PCDHGA1: variants seen among roughly 807,000 people sequenced by gnomAD.
The protein encoded by PCDHGA1 is protocadherin gamma-A1.
Under a neutral mutation model 58.0 loss-of-function variants are expected in PCDHGA1, and 32 were observed. The observed-to-expected ratio is 0.55, with a 90% CI of 0.42 to 0.74. The LOEUF (loss-of-function observed/expected upper bound fraction) is 0.74, where lower values mean the gene tolerates loss of function less well. Ranked by LOEUF, PCDHGA1 falls within the 30% of genes least tolerant of loss-of-function variation. The pLI, the probability that PCDHGA1 is intolerant of heterozygous loss-of-function variation, is 0.00. For synonymous variants in PCDHGA1, 498 were observed against 501.1 expected, an observed-to-expected ratio of 0.99 and a Z score of 0.08; for missense variants, 1,205 against 1,182.3, an observed-to-expected ratio of 1.02 and a Z score of -0.28.
chr5:141,504,200 G>C (rs1232187138), intron 2 of PCDHGA1, among the ~76,000 whole-genome samples: 1 of 152,154 alleles, frequency 6.6e-6, no homozygotes, highest in Non-Finnish European at 1.5e-5. Context: ...TTGTCACTGT[G>C]GGAAAATTCC....
chr5:141,507,901 G>T (rs1332204823), intron 3 of PCDHGA1, among the ~76,000 whole-genome samples: 1 of 152,216 alleles, frequency 6.6e-6, no homozygotes, highest in Non-Finnish European at 1.5e-5. Flanking sequence ...CTGAAGTCCA[G>T]CCCAGCCAGG....
At chr5:141,355,300 T>A (rs1193183986) in intron 1 of PCDHGA1, 2 of 1,613,914 alleles carry the variant, frequency 1.2e-6, no homozygotes, top group Non-Finnish European at 8.5e-7. Flanking sequence ...GATTCTCTAC[T>A]CGGTGTTTGA....
chr5:141,338,783 G>A, intron 1 of PCDHGA1: 2 of 1,338,184 alleles, frequency 1.5e-6, no homozygotes, highest in Non-Finnish European at 1.9e-6. Flanking sequence ...GGCTCCCACA[G>A]CACAAGGGGG....
chr5:141,395,521 T>G, intron 1 of PCDHGA1: 7 of 388,350 alleles, frequency 1.8e-5, no homozygotes, highest in East Asian at 5.0e-5. Flanking sequence ...TACCCGTCCA[T>G]ACTGGTAATT....
At chr5:141,479,842 G>A (rs1167563746) in intron 1 of PCDHGA1, among the ~76,000 whole-genome samples, 3 of 152,172 alleles carry the variant, frequency 2.0e-5, no homozygotes, top group African/African-American at 7.2e-5. Context: ...TCCATGCAAG[G>A]TGACTGCAAG....
In PCDHGA1 at chr5:141,450,032, G is replaced by A. The variant is rs146567243; in HGVS notation, c.2422-44775G>A. Among the ~76,000 whole-genome samples the A allele has an allele frequency of 4.6e-3, 607 of 131,666 alleles. 4 individuals are homozygous for A. The highest frequency in any genetic ancestry group is 0.017 in the African/African-American group (550 of 33,158). The allele number at this position is 131,666 out of a possible 152,430, so 86.4% of individuals were successfully genotyped here. A position where few individuals can be genotyped will look rare whatever the true frequency, so the allele number is the denominator to read the frequency against. On this transcript the variant is annotated intron_variant, in intron 1 of 3. Transcript: ENST00000517417. ...TTTTTTTTTTTTTTTTTTGAGACAG[G>A]GTCTCACTCTTTCGCCCAGGCTGGA... is the stretch of plus-strand genomic sequence containing the variant.
intron 1 of PCDHGA1, chr5:141,362,632 T>A: frequency 1.3e-6 from 2 of 1,490,270 alleles, no homozygotes; most frequent in Non-Finnish European, 1.8e-6. Context: ...CCACTGCGTA[T>A]TTCTTTGTCT....
chr5:141,345,853 G>T, intron 1 of PCDHGA1: 1 of 1,613,362 alleles, frequency 6.2e-7, no homozygotes, highest in Non-Finnish European at 8.5e-7. Flanking sequence ...CTGTCCTACC[G>T]CCTGCTCAAG....
rs938978043 is a variant in PCDHGA1, at chr5:141,332,068, C to A, written c.1384C>A (p.Pro462Thr). 3.7e-6 allele frequency: 6 copies of A among 1,614,038 alleles called. No homozygotes were observed. Among genetic ancestry groups the A allele is most frequent in the South Asian group, 1.1e-5 (1 of 91,080 alleles). ...FHQDSYSAYI[P>T]ENNPRGASIF... ...TCAGGACTCCTACTCTGCCTACATT[C>A]CCGAAAACAACCCCAGAGGAGCCTC... is the stretch of plus-strand genomic sequence containing the variant. The change falls in exon 1 of 4, where the codon CCC becomes ACC. Residue 462 changes from proline (P) to threonine (T), a missense_variant. Pro to Thr is a conservative substitution (Grantham distance 38). Coordinates refer to ENST00000517417, the MANE Select transcript of PCDHGA1 (RefSeq NM_018912.3). This position sits in a 1 kb window ranked among gnomAD's most constrained non-coding sequence, Gnocchi z 4.6.
chr5:141,395,080 A>G, intron 1 of PCDHGA1: 1 of 1,614,088 alleles, frequency 6.2e-7, no homozygotes, highest in Non-Finnish European at 8.5e-7. Flanking sequence ...TATTCCCAGG[A>G]AGTCTCCCTC....
rs2097527384 is a variant in PCDHGA1 at position 141,432,674 on chromosome 5, A to G, written c.2422-62133A>G. 2 of 1,613,856 alleles carry G rather than the reference A, an allele frequency of 1.2e-6. No homozygotes were observed. The highest frequency in any genetic ancestry group is 4.5e-5 in the East Asian group (2 of 44,840). On this transcript the variant is annotated intron_variant, in intron 1 of 3. Coordinates refer to ENST00000517417, the MANE Select transcript of PCDHGA1 (RefSeq NM_018912.3). The surrounding 1 kb of genome is among the most constrained non-coding windows in gnomAD (Gnocchi z 6.0). ...AGCCCTGCTGGACAGAGACGCGCTCAAGCAGAGCCTCGTAGTGGCCGTCCA... is the reference window on the plus strand; with the variant it reads ...AGCCCTGCTGGACAGAGACGCGCTCGAGCAGAGCCTCGTAGTGGCCGTCCA...
At chr5:141,469,833 TTA>T (rs1343669772) in intron 1 of PCDHGA1, among the ~76,000 whole-genome samples, 2 of 152,054 alleles carry the variant, frequency 1.3e-5, no homozygotes, top group Non-Finnish European at 2.9e-5. Flanking sequence ...CACATAAAAC[TTA>T]TTCTTAAGAT....
At chr5:141,369,244 TTAAA>T (rs1159204045) in intron 1 of PCDHGA1, among the ~76,000 whole-genome samples, 2 of 152,116 alleles carry the variant, frequency 1.3e-5, no homozygotes, top group Admixed American at 1.3e-4. Flanking sequence ...ACTTATATAA[TTAAA>T]TAATATAATT....
At chr5:141,370,971 G>T in intron 1 of PCDHGA1, 1 of 1,614,016 alleles carries the variant, frequency 6.2e-7, no homozygotes, top group Non-Finnish European at 8.5e-7. Context: ...TAGGTACCCA[G>T]AGCTAGTACT....
chr5:141,372,735 C>T, intron 1 of PCDHGA1: 1 of 1,613,346 alleles, frequency 6.2e-7, no homozygotes, highest in African/African-American at 1.3e-5. Flanking sequence ...ACAAGATCTT[C>T]TATGTGATGA....
At position 141,421,262 on chromosome 5, in the gene PCDHGA1, G is replaced by GGCT. The variant is rs748368476; in HGVS notation, c.2422-73531_2422-73529dup. 2.6e-5 allele frequency: 42 copies of GGCT among 1,609,594 alleles called. No homozygotes were observed. The Admixed American group carries it at 3.2e-4, about 12-fold the overall frequency. On this transcript the variant is annotated intron_variant, in intron 1 of 3. Coordinates refer to ENST00000517417, the MANE Select transcript of PCDHGA1 (RefSeq NM_018912.3). ...CGGCTACAGCGCGGGGACCGCAGTC[G>GGCT]GCTGCTGCTGCTGCTGTGCATTTTC...
Position 141,490,156 on chromosome 5 carries a change from G to T in PCDHGA1, c.2422-4651G>T. On this transcript the variant is annotated intron_variant, in intron 1 of 3. Coordinates refer to ENST00000517417, the MANE Select transcript of PCDHGA1 (RefSeq NM_018912.3). The surrounding 1 kb of genome is among the most constrained non-coding windows in gnomAD (Gnocchi z 5.4). ...TAGCAGTGGGGCAATCCATGTGTTG[G>T]GTCCCATAGACTTTGAGGAGTCACG... is the stretch of plus-strand genomic sequence containing the variant. 3.1e-6 allele frequency: 5 copies of T among 1,614,192 alleles called. No individual in the cohort carries two copies. Among genetic ancestry groups the T allele is most frequent in the Non-Finnish European group, 4.2e-6 (5 of 1,180,034 alleles).
intron 1 of PCDHGA1, among the ~76,000 whole-genome samples, chr5:141,456,303 G>A (rs941370138): frequency 6.6e-6 from 1 of 152,156 alleles, no homozygotes; most frequent in Non-Finnish European, 1.5e-5. Flanking sequence ...ATGGAGAACA[G>A]CAGCTAGGGC....
chr5:141,346,259 C>A (rs764310422), intron 1 of PCDHGA1: 1 of 1,614,196 alleles, frequency 6.2e-7, no homozygotes. Flanking sequence ...ACTTTGTGGG[C>A]GCGGACGGGG....
Sources: allele counts gnomAD v4.1 joint callset (sites outside exome capture counted in the v4.1 genomes callset), GRCh38; gene constraint gnomAD v4.1.1; non-coding constraint Gnocchi (gnomAD v3.1); transcripts MANE v1.5; gene names NCBI Gene and HGNC (gene_info 2026-07-23, HGNC 2026-07-21).